Variants in TRAPPC8 observed in about 807,000 individuals in gnomAD.
TRAPPC8 encodes the protein general sporulation gene 1 homolog.
In TRAPPC8, 54 loss-of-function variants were observed where a neutral mutation model predicts 174.3. That is an observed-to-expected ratio of 0.31 (90% confidence interval 0.25 to 0.39). The LOEUF (loss-of-function observed/expected upper bound fraction) is 0.39. Ranked by LOEUF, TRAPPC8 falls within the 10% of genes least tolerant of loss-of-function variation. TRAPPC8 has a pLI of 1.00. For missense variants in TRAPPC8, 1,531 were observed against 1,699.1 expected (o/e 0.90, Z 1.74); for synonymous variants, 630 against 579.9 (o/e 1.09, Z -1.24).
intron 28 of TRAPPC8, among the ~76,000 whole-genome samples, chr18:31,831,246 G>T (rs2032351410): frequency 6.6e-6 from 1 of 152,110 alleles, no homozygotes. Flanking sequence ...AGCTACTCAG[G>T]AGGCTGAGGC....
chr18:31,930,985 G>A (rs78868893), intron 2 of TRAPPC8, among the ~76,000 whole-genome samples: 1 of 151,958 alleles, frequency 6.6e-6, no homozygotes, highest in African/African-American at 2.4e-5. Context: ...ACATATTTAC[G>A]CATTTTATAA....
Position 31,830,484 on chromosome 18 carries a change from A to T in TRAPPC8, c.*271T>A. The T allele has an allele frequency of 2.7e-6, 1 of 365,430 alleles. No individual in the cohort carries two copies. The highest frequency in any genetic ancestry group is 5.0e-6 in the Non-Finnish European group (1 of 201,786). The allele number at this position is 365,430 out of a possible 1,614,324, so 22.6% of individuals were successfully genotyped here. A position where few individuals can be genotyped will look rare whatever the true frequency, so the allele number is the denominator to read the frequency against. On this transcript the variant is annotated 3_prime_UTR_variant, in exon 29 of 29. Coordinates refer to ENST00000283351, the MANE Select transcript of TRAPPC8 (RefSeq NM_014939.5). The stretch of plus-strand genomic sequence containing the variant: ...GCAGACTTAGACTTTGTGTTTTCTT[A>T]AGATGGGGCTTAATAAGGTGCACAA...
chr18:31,911,910 A>AC (rs1354091520), intron 5 of TRAPPC8, among the ~76,000 whole-genome samples: 4 of 151,886 alleles, frequency 2.6e-5, no homozygotes, highest in Non-Finnish European at 4.4e-5. Context: ...TAAACAAAAA[A>AC]CAGTGACTCT....
chr18:31,900,213 G>A (rs556336836), intron 10 of TRAPPC8, among the ~76,000 whole-genome samples: 14 of 152,186 alleles, frequency 9.2e-5, no homozygotes, highest in Admixed American at 2.6e-4. Flanking sequence ...CCGCCTGGAC[G>A]ACAGAGCAAG....
chr18:31,919,971 A>G (rs1307281151), intron 2 of TRAPPC8, among the ~76,000 whole-genome samples: 1 of 152,202 alleles, frequency 6.6e-6, no homozygotes, highest in African/African-American at 2.4e-5. Flanking sequence ...ACACACAAAT[A>G]GGAAACTAAT....
Position 31,919,586 on chromosome 18 carries a change from AAATAAAATAAT to A in TRAPPC8, c.353-1930_353-1920del, listed in dbSNP as rs1255296041. On this transcript the variant is annotated intron_variant, in intron 2 of 28. Transcript: ENST00000283351. ...TAAATAAATAAATAAATAAATAAAT[AAATAAAATAAT>A]AATAATCCTAACACTTTGGGAGGCT... Among the ~76,000 whole-genome samples, 21 of 69,450 alleles carry A rather than the reference AAATAAAATAAT, an allele frequency of 3.0e-4. No homozygotes were observed. In the East Asian group the frequency reaches 8.2e-3, roughly 27 times the overall value. The allele number at this position is 69,450 out of a possible 152,430, so 45.6% of individuals were successfully genotyped here.
At chr18:31,840,407 G>A (rs2033025263) in intron 26 of TRAPPC8, among the ~76,000 whole-genome samples, 1 of 152,190 alleles carries the variant, frequency 6.6e-6, no homozygotes, top group South Asian at 2.1e-4. Flanking sequence ...GGGAGTTGGG[G>A]AGGGTGAGAG....
At chr18:31,916,034 G>GT (rs1325124837) in intron 4 of TRAPPC8, among the ~76,000 whole-genome samples, 4 of 149,912 alleles carry the variant, frequency 2.7e-5, no homozygotes, top group South Asian at 2.1e-4. Context: ...TCCAGCCTGG[G>GT]TGACAGGGCA....
At chr18:31,916,175 T>C in intron 4 of TRAPPC8, 97 bp downstream of exon 4, 2 of 907,376 alleles carry the variant, frequency 2.2e-6, no homozygotes, top group Non-Finnish European at 3.0e-6. Flanking sequence ...TTTTACATTC[T>C]TGTATCAAAA....
chr18:31,935,503 G>A lies in TRAPPC8; in HGVS notation c.158-3980C>T, dbSNP rs367790259. 1.3e-3 allele frequency among the ~76,000 whole-genome samples: 174 copies of A among 131,792 alleles called. No individual in the cohort carries two copies. In the Middle Eastern group the frequency reaches 0.013, roughly 10 times the overall value. 86.5% of individuals were successfully genotyped at this position (131,792 alleles called of 152,430 possible). A position where few individuals can be genotyped will look rare whatever the true frequency, so the allele number is the denominator to read the frequency against. On this transcript the variant is annotated intron_variant, in intron 1 of 28. Transcript: ENST00000283351. ...GTGGAGGTTGCGGTGAGCCAAGATC[G>A]TGCCATTGCACTCCAGCCTGGGCAA... is the stretch of plus-strand genomic sequence containing the variant.
chr18:31,942,536 G>A (rs994739139), intron 1 of TRAPPC8, 72 bp downstream of exon 1: 1 of 1,449,148 alleles, frequency 6.9e-7, no homozygotes, highest in African/African-American at 1.5e-5. Context: ...TCTCTTCCCT[G>A]CCCGCCCGCA....
In TRAPPC8 at chr18:31,864,719, G is replaced by T; in HGVS notation, c.2653C>A (p.Leu885Ile). The stretch of plus-strand genomic sequence containing the variant: ...GTTTTCTCTTCTTTTGTGTTGTTAA[G>T]TCGAGGACCTTGAATTTCTAAATCC... ...KQDLEIQGPR[L>I]NNTKEEKTSV... The change falls in exon 19 of 29, where the codon CTT (leucine) becomes ATT (isoleucine). Residue 885 changes from leucine to isoleucine, a missense_variant. Leu to Ile is a conservative substitution (Grantham distance 5). Coordinates refer to ENST00000283351, the MANE Select transcript of TRAPPC8 (RefSeq NM_014939.5). 2 of 1,612,842 alleles carry T rather than the reference G, an allele frequency of 1.2e-6. No individual in the cohort carries two copies. Among genetic ancestry groups the T allele is most frequent in the Non-Finnish European group, 1.7e-6 (2 of 1,179,388 alleles).
At chr18:31,846,125 G>A (rs1283824979) in intron 26 of TRAPPC8, among the ~76,000 whole-genome samples, 1 of 152,024 alleles carries the variant, frequency 6.6e-6, no homozygotes, top group Non-Finnish European at 1.5e-5. Flanking sequence ...ATGAATTCTG[G>A]ATTCAATATG....
chr18:31,847,418 G>C (rs2033466110), intron 25 of TRAPPC8, among the ~76,000 whole-genome samples: 1 of 151,904 alleles, frequency 6.6e-6, no homozygotes, highest in Non-Finnish European at 1.5e-5. Flanking sequence ...TCTATAAATG[G>C]CTCTGATCTA....
intron 14 of TRAPPC8, among the ~76,000 whole-genome samples, chr18:31,872,062 C>T (rs992371905): frequency 1.3e-5 from 2 of 151,968 alleles, no homozygotes; most frequent in East Asian, 1.9e-4. Context: ...CTGGGCTTTT[C>T]GTGTAGCCAT....
intron 12 of TRAPPC8, among the ~76,000 whole-genome samples, chr18:31,878,436 T>C (rs1043930990): frequency 3.3e-5 from 5 of 152,138 alleles, no homozygotes; most frequent in African/African-American, 1.2e-4. Context: ...AAAAATAGTA[T>C]TTCTCAGACA....
At chr18:31,934,856 G>C (rs2038011890) in intron 1 of TRAPPC8, among the ~76,000 whole-genome samples, 1 of 151,050 alleles carries the variant, frequency 6.6e-6, no homozygotes, top group Non-Finnish European at 1.5e-5. Context: ...AATGAGAGCT[G>C]AGATCACACT....
At chr18:31,934,987 T>TAAATAAATAAAG (rs760644949) in intron 1 of TRAPPC8, among the ~76,000 whole-genome samples, 3 of 146,084 alleles carry the variant, frequency 2.1e-5, no homozygotes, top group East Asian at 2.1e-4. Flanking sequence ...AATAAATAAA[T>TAAATAAATAAAG]AAAATGTATT....
At chr18:31,871,896 G>A (rs1036850914) in intron 14 of TRAPPC8, among the ~76,000 whole-genome samples, 2 of 151,934 alleles carry the variant, frequency 1.3e-5, no homozygotes, top group Non-Finnish European at 2.9e-5. Context: ...AAGGAGAAAC[G>A]TTGATTAAAT....
Sources: allele counts gnomAD v4.1 joint callset (sites outside exome capture counted in the v4.1 genomes callset), GRCh38; gene constraint gnomAD v4.1.1; transcripts MANE v1.5; gene names NCBI Gene and HGNC (gene_info 2026-07-23, HGNC 2026-07-21).